The following EYS variants were observed in gnomAD, a reference collection of about 807,000 sequenced individuals.
EYS encodes EGF-like photoreceptor maintenance factor.
In EYS, 250 loss-of-function variants were observed where a neutral mutation model predicts 282.1. That is an observed-to-expected ratio of 0.89 (90% confidence interval 0.80 to 0.98). EYS has a LOEUF of 0.98. EYS is among the 50% of genes least tolerant of loss of function. The pLI is 0.00. For missense variants in EYS, 4,016 were observed against 3,709.0 expected, an observed-to-expected ratio of 1.08 and a Z score of -2.15; for synonymous variants, 1,355 against 1,282.9, an observed-to-expected ratio of 1.06 and a Z score of -1.20.
intron 34 of EYS, among the ~76,000 whole-genome samples, chr6:63,995,703 A>G (rs1767803598): frequency 6.6e-6 from 1 of 152,086 alleles, no homozygotes; most frequent in African/African-American, 2.4e-5. Flanking sequence ...GATAAAGAAA[A>G]TGTGGTATAG....
At chr6:63,890,221 G>A (rs1264568599) in intron 35 of EYS, among the ~76,000 whole-genome samples, 4 of 152,098 alleles carry the variant, frequency 2.6e-5, no homozygotes, top group East Asian at 1.9e-4. Flanking sequence ...TATTCAGAAC[G>A]TGAACTCAGC....
chr6:64,659,160 A>G (rs1287608976), intron 22 of EYS, among the ~76,000 whole-genome samples: 2 of 152,008 alleles, frequency 1.3e-5, no homozygotes, highest in African/African-American at 4.8e-5. Context: ...AAATGAAGGA[A>G]GAAATAAAGA....
intron 12 of EYS, among the ~76,000 whole-genome samples, chr6:65,140,935 G>C (rs1156324162): frequency 6.6e-6 from 1 of 150,582 alleles, no homozygotes; most frequent in African/African-American, 2.5e-5. Context: ...TCAGTGTGGC[G>C]ATTCCTCAGG....
intron 30 of EYS, among the ~76,000 whole-genome samples, chr6:64,285,581 T>C (rs1056975832): frequency 2.0e-5 from 3 of 152,178 alleles, no homozygotes; most frequent in African/African-American, 7.2e-5. Flanking sequence ...CATTTGGGTA[T>C]CTTTTCAGCA....
intron 11 of EYS, chr6:65,332,082 C>T (rs1769816528): frequency 6.4e-6 from 2 of 313,360 alleles, no homozygotes; most frequent in Non-Finnish European, 1.2e-5. Flanking sequence ...GTCTTTCAGC[C>T]TTTCACCGTA....
intron 12 of EYS, among the ~76,000 whole-genome samples, chr6:65,096,893 C>A (rs1290142491): frequency 1.3e-5 from 2 of 150,838 alleles, no homozygotes; most frequent in Non-Finnish European, 3.0e-5. Flanking sequence ...AACTTTAAAA[C>A]TCTTAGAAAA....
At chr6:64,222,818 A>G (rs1455940730) in intron 31 of EYS, among the ~76,000 whole-genome samples, 3 of 152,030 alleles carry the variant, frequency 2.0e-5, no homozygotes, top group Admixed American at 2.0e-4. Flanking sequence ...GAGATGAGGG[A>G]CAATAGGCTG....
intron 28 of EYS, among the ~76,000 whole-genome samples, chr6:64,389,236 G>A (rs1773018518): frequency 6.6e-6 from 1 of 152,072 alleles, no homozygotes; most frequent in Non-Finnish European, 1.5e-5. Context: ...ATATACTTAG[G>A]TGGAAAACAG....
intron 5 of EYS, among the ~76,000 whole-genome samples, chr6:65,467,008 T>A (rs919810001): frequency 1.3e-5 from 2 of 152,172 alleles, no homozygotes; most frequent in Admixed American, 6.6e-5. Flanking sequence ...GCTCTAAATA[T>A]TAGTTTGGTG....
intron 31 of EYS, among the ~76,000 whole-genome samples, chr6:64,183,912 T>TA (rs2150312940): frequency 6.6e-6 from 1 of 152,288 alleles, no homozygotes; most frequent in East Asian, 1.9e-4. Flanking sequence ...TTTTCTTTTT[T>TA]TAAAAAATTT....
intron 19 of EYS, among the ~76,000 whole-genome samples, chr6:64,837,874 G>C (rs755837204): frequency 1.5e-4 from 22 of 151,290 alleles, no homozygotes; most frequent in Non-Finnish European, 2.7e-4. Flanking sequence ...AGAGGAGATT[G>C]AGTGATAAGA....
chr6:64,970,433 G>A (rs1236685310), intron 14 of EYS, among the ~76,000 whole-genome samples: 1 of 151,994 alleles, frequency 6.6e-6, no homozygotes, highest in East Asian at 1.9e-4. Flanking sequence ...CTTGACCTCA[G>A]GTACTCTGCT....
chr6:65,026,931 GA>G (rs1561928296), intron 13 of EYS, among the ~76,000 whole-genome samples: 1 of 139,990 alleles, frequency 7.1e-6, no homozygotes, highest in Non-Finnish European at 1.6e-5. Context: ...AAAAAAAAAA[GA>G]TTCAGATATC....
intron 31 of EYS, among the ~76,000 whole-genome samples, chr6:64,141,297 T>C (rs1031460570): frequency 6.6e-6 from 1 of 152,216 alleles, no homozygotes; most frequent in Non-Finnish European, 1.5e-5. Flanking sequence ...TATGTTGAAT[T>C]GCTAACAAGC....
At chr6:65,131,904 G>T (rs952496821) in intron 12 of EYS, among the ~76,000 whole-genome samples, 3 of 151,888 alleles carry the variant, frequency 2.0e-5, no homozygotes, top group African/African-American at 7.3e-5. Context: ...TGACCCCACA[G>T]AAATAAAAAT....
chr6:64,544,924 C>T (rs992369253), intron 26 of EYS, among the ~76,000 whole-genome samples: 1 of 152,114 alleles, frequency 6.6e-6, no homozygotes, highest in Non-Finnish European at 1.5e-5. Context: ...GATTCACAGC[C>T]AAATTCTACC....
At chr6:65,135,016 T>C (rs1043100305) in intron 12 of EYS, among the ~76,000 whole-genome samples, 12 of 152,132 alleles carry the variant, frequency 7.9e-5, no homozygotes, top group African/African-American at 2.2e-4. Context: ...TTTTTCAGAT[T>C]AGAGATGATT....
chr6:63,829,560 C>G (rs1298113401), intron 36 of EYS, among the ~76,000 whole-genome samples: 1 of 152,216 alleles, frequency 6.6e-6, no homozygotes, highest in African/African-American at 2.4e-5. Context: ...AACAAAGCAG[C>G]TGGGAAGCTC....
chr6:64,580,510 A>G (rs778683884), intron 26 of EYS, among the ~76,000 whole-genome samples: 6 of 152,170 alleles, frequency 3.9e-5, no homozygotes, highest in Non-Finnish European at 8.8e-5. Flanking sequence ...GTGCAACTGT[A>G]TGACAGGACT....
Sources: gnomAD v4.1 joint callset for allele counts (sites outside exome capture counted in the v4.1 genomes callset) on GRCh38, gnomAD v4.1.1 for gene constraint, MANE v1.5 for transcripts, NCBI Gene and HGNC (gene_info 2026-07-23, HGNC 2026-07-21) for gene names.